CA1: variants seen among roughly 807,000 people sequenced by gnomAD.
CA1 encodes the protein carbonate dehydratase I.
A neutral mutation model predicts 28.8 loss-of-function variants in CA1; 27 were observed. The observed-to-expected ratio is 0.94, with a 90% CI of 0.69 to 1.29. CA1 has a LOEUF of 1.29. Ranked by LOEUF, CA1 falls within the 50% of genes most tolerant of loss-of-function variation. The pLI, the probability that CA1 is intolerant of heterozygous loss-of-function variation, is 0.00. For synonymous variants in CA1, 121 were observed against 108.8 expected, an observed-to-expected ratio of 1.11 and a Z score of -0.70; for missense variants, 335 against 310.5, an observed-to-expected ratio of 1.08 and a Z score of -0.59.
chr8:85,375,021 G>A (rs1810358460), intron 1 of CA1, among the ~76,000 whole-genome samples: 1 of 152,128 alleles, frequency 6.6e-6, no homozygotes, highest in South Asian at 2.1e-4. Context: ...GACTGATTGT[G>A]GTTAAATATC....
intron 1 of CA1, among the ~76,000 whole-genome samples, chr8:85,364,225 C>T (rs745701689): frequency 2.6e-5 from 4 of 152,222 alleles, no homozygotes; most frequent in African/African-American, 7.2e-5. Context: ...ATGCCCAACT[C>T]TTGTCCCAAA....
intron 3 of CA1, 187 bp from the exon 4 acceptor site, chr8:85,337,250 T>G (rs1808700489): frequency 1.2e-5 from 7 of 603,338 alleles, no homozygotes; most frequent in East Asian, 9.0e-5. Context: ...CACCCCTGAC[T>G]GTGGCATTGA....
At chr8:85,375,162 T>G (rs1810363690) in intron 1 of CA1, among the ~76,000 whole-genome samples, 2 of 152,202 alleles carry the variant, frequency 1.3e-5, no homozygotes, top group African/African-American at 4.8e-5. Context: ...TATTGCCACC[T>G]CTGCCTAAGT....
intron 1 of CA1, among the ~76,000 whole-genome samples, chr8:85,366,674 C>T (rs1033193728): frequency 6.6e-6 from 1 of 152,044 alleles, no homozygotes; most frequent in African/African-American, 2.4e-5. Flanking sequence ...AGGATGCTAA[C>T]TGAATCAATG....
At chr8:85,348,562 A>G (rs77877292) in intron 1 of CA1, among the ~76,000 whole-genome samples, 4,426 of 152,300 alleles carry the variant, frequency 0.029, 222 homozygotes, top group African/African-American at 0.1. Flanking sequence ...GAAAAAGTAC[A>G]TTATAGAGGT....
chr8:85,329,915 CT>C, intron 6 of CA1, 71 bp from the exon 7 acceptor site: 3 of 1,172,150 alleles, frequency 2.6e-6, no homozygotes, highest in Non-Finnish European at 3.7e-6. Context: ...CATATATATG[CT>C]ATATTATCTT....
chr8:85,342,284 ATATT>A (rs1808960554), intron 1 of CA1, among the ~76,000 whole-genome samples: 1 of 151,730 alleles, frequency 6.6e-6, no homozygotes, highest in African/African-American at 2.4e-5. Context: ...ATATAACACA[ATATT>A]TATTTTATAC....
At chr8:85,339,781 T>C (rs561920285) in intron 2 of CA1, among the ~76,000 whole-genome samples, 1 of 152,210 alleles carries the variant, frequency 6.6e-6, no homozygotes, top group African/African-American at 2.4e-5. Flanking sequence ...ATTGCTGATA[T>C]GGAGAAAGTT....
intron 4 of CA1, among the ~76,000 whole-genome samples, chr8:85,335,734 A>G (rs1808626270): frequency 6.6e-6 from 1 of 152,208 alleles, no homozygotes; most frequent in Non-Finnish European, 1.5e-5. Context: ...TATCCTTCCA[A>G]AAAGATAATA....
chr8:85,361,976 A>T (rs570577942), intron 1 of CA1, among the ~76,000 whole-genome samples: 6 of 152,318 alleles, frequency 3.9e-5, no homozygotes, highest in South Asian at 2.1e-4. Context: ...GAAACAAATC[A>T]TCAAAAGTTT....
chr8:85,370,136 C>A (rs1188710847), intron 1 of CA1, among the ~76,000 whole-genome samples: 1 of 152,152 alleles, frequency 6.6e-6, no homozygotes, highest in Non-Finnish European at 1.5e-5. Flanking sequence ...TAGGACTGTT[C>A]TAGAGAACTA....
At chr8:85,371,859 C>G (rs1449045089) in intron 1 of CA1, among the ~76,000 whole-genome samples, 1 of 152,050 alleles carries the variant, frequency 6.6e-6, no homozygotes, top group Non-Finnish European at 1.5e-5. Flanking sequence ...TGCATTGTGG[C>G]TAAAAGAATT....
In CA1 at chr8:85,328,468, A is replaced by G. The variant is rs760903812; in HGVS notation, c.*92T>C. 3 of 785,520 alleles carry G rather than the reference A, an allele frequency of 3.8e-6. No homozygotes were observed. Among genetic ancestry groups the G allele is most frequent in the Non-Finnish European group, 6.6e-6 (3 of 452,198 alleles). The allele number at this position is 785,520 out of a possible 1,614,324, so 48.7% of individuals were successfully genotyped here. On this transcript the variant is annotated 3_prime_UTR_variant, in exon 8 of 8. Transcript: ENST00000523022. ...GGCATGCTGTCTTGCTAATATTGAA[A>G]TAAATTTATTTCTTAAAAATTATTA...
At chr8:85,346,677 G>A (rs1429705933) in intron 1 of CA1, among the ~76,000 whole-genome samples, 1 of 152,090 alleles carries the variant, frequency 6.6e-6, no homozygotes, top group African/African-American at 2.4e-5. Context: ...CAGGAGAATC[G>A]CTTGAACCCG....
intron 1 of CA1, among the ~76,000 whole-genome samples, chr8:85,362,281 T>C (rs1219897613): frequency 6.6e-6 from 1 of 152,196 alleles, no homozygotes; most frequent in Admixed American, 6.5e-5. Flanking sequence ...ATCAGAATAA[T>C]CTCCCATCTC....
intron 1 of CA1, among the ~76,000 whole-genome samples, chr8:85,374,005 G>A (rs542863598): frequency 1.6e-4 from 25 of 152,206 alleles, no homozygotes; most frequent in Admixed American, 5.9e-4. Context: ...GAGATGATGC[G>A]CGATGGGGGT....
At position 85,333,629 on chromosome 8, in the gene CA1, G is replaced by C. The variant is rs370638699; in HGVS notation, c.355-9C>G. On this transcript the variant is annotated splice_polypyrimidine_tract_variant and intron_variant, in intron 4 of 7. Transcript: ENST00000523022. ...CAGTGAGCTACGTGAAGCTAAAAAT[G>C]ATACTATGGTTAATTAATTATTTAT... is the stretch of plus-strand genomic sequence containing the variant. 4 of 1,544,796 alleles carry C rather than the reference G, an allele frequency of 2.6e-6. No individual in the cohort carries two copies. Among genetic ancestry groups the C allele is most frequent in the Non-Finnish European group, 3.6e-6 (4 of 1,118,492 alleles).
intron 1 of CA1, among the ~76,000 whole-genome samples, chr8:85,343,549 G>A (rs1403187664): frequency 6.6e-6 from 1 of 152,134 alleles, no homozygotes; most frequent in Non-Finnish European, 1.5e-5. Context: ...ACAGGAGCAG[G>A]CTACCCCCTG....
intron 5 of CA1, 37 bp from the exon 6 acceptor site, chr8:85,332,589 T>G (rs774948523): frequency 3.8e-5 from 57 of 1,491,408 alleles, no homozygotes; most frequent in Non-Finnish European, 5.1e-5. Context: ...AGATAAAGAT[T>G]ATTATCAATC....
Sources: allele counts gnomAD v4.1 joint callset (sites outside exome capture counted in the v4.1 genomes callset), GRCh38; gene constraint gnomAD v4.1.1; transcripts MANE v1.5; gene names NCBI Gene and HGNC (gene_info 2026-07-23, HGNC 2026-07-21).